The following PDE6D variants were observed in gnomAD, a reference collection of about 807,000 sequenced individuals.
The protein encoded by PDE6D is retinal rod rhodopsin-sensitive cGMP 3',5'-cyclic phosphodiesterase subunit delta.
A neutral mutation model predicts 21.9 loss-of-function variants in PDE6D; 10 were observed. The ratio of observed to expected loss-of-function variants is 0.46; its 90% CI spans 0.28 to 0.78. PDE6D has a LOEUF of 0.78. Among genes scored for constraint, PDE6D ranks in the 30% least tolerant of loss-of-function variants. The probability of loss-of-function intolerance (pLI) is 0.12; values close to 1 mark genes in which losing one functional copy is unlikely to be tolerated. For missense variants in PDE6D, 139 were observed against 184.8 expected, an observed-to-expected ratio of 0.75 and a Z score of 1.44; for synonymous variants, 59 against 63.5, an observed-to-expected ratio of 0.93 and a Z score of 0.34.
intron 2 of PDE6D, 140 bp downstream of exon 2, chr2:231,738,960 T>C: frequency 4.0e-6 from 2 of 503,768 alleles, no homozygotes; most frequent in Non-Finnish European, 7.2e-6. Flanking sequence ...TAACTGAAAC[T>C]GTCAACAACA....
intron 1 of PDE6D, among the ~76,000 whole-genome samples, chr2:231,742,575 G>C (rs899052011): frequency 6.6e-6 from 1 of 152,152 alleles, no homozygotes; most frequent in Non-Finnish European, 1.5e-5. Flanking sequence ...AAGCACAGAG[G>C]CTGTCTGCAA....
chr2:231,781,251 G>T lies in PDE6D; in HGVS notation c.-137C>A. 2 of 740,692 alleles carry T rather than the reference G, an allele frequency of 2.7e-6. No homozygotes were observed. Among genetic ancestry groups the T allele is most frequent in the Non-Finnish European group, 4.6e-6 (2 of 434,740 alleles). The allele number at this position is 740,692 out of a possible 1,614,324, so 45.9% of individuals were successfully genotyped here. A position where few individuals can be genotyped will look rare whatever the true frequency, so the allele number is the denominator to read the frequency against. The stretch of plus-strand genomic sequence containing the variant: ...AGCCGCAGCGGCCAGACCAGGACCG[G>T]CCTCTCTCTCCCCTCAGCTCCCGCT... On this transcript the variant is annotated 5_prime_UTR_variant, in exon 1 of 5. Transcript: ENST00000287600.
At chr2:231,740,423 C>A (rs1225832414) in intron 1 of PDE6D, among the ~76,000 whole-genome samples, 1 of 152,022 alleles carries the variant, frequency 6.6e-6, no homozygotes, top group African/African-American at 2.4e-5. Flanking sequence ...TGGCTCACAC[C>A]TGTAATTCCA....
At position 231,733,019 on chromosome 2, in the gene PDE6D, A is replaced by G; in HGVS notation, c.386T>C (p.Ile129Thr). 2.5e-6 allele frequency: 4 copies of G among 1,606,544 alleles called. No individual in the cohort carries two copies. The highest frequency in any genetic ancestry group is 2.6e-6 in the Non-Finnish European group (3 of 1,173,046). ...PASVLTGNVIIETKFFDDDLL... is the reference protein window; with the variant it reads ...PASVLTGNVITETKFFDDDLL... ...ATCGTCGTCAAAAAACTTTGTTTCTATGATAACGTTCCCACTGTAAGTAAG... is the reference window on the plus strand; with the variant it reads ...ATCGTCGTCAAAAAACTTTGTTTCTGTGATAACGTTCCCACTGTAAGTAAG... Residue 129 changes from isoleucine to threonine, a missense_variant, in exon 5 of 5, where the codon ATA (isoleucine) becomes ACA (threonine). Coordinates refer to ENST00000287600, the MANE Select transcript of PDE6D (RefSeq NM_002601.4).
At chr2:231,775,530 C>G (rs898755047) in intron 1 of PDE6D, among the ~76,000 whole-genome samples, 8 of 147,758 alleles carry the variant, frequency 5.4e-5, no homozygotes, top group African/African-American at 2.0e-4. Flanking sequence ...GCCATGTTGC[C>G]TAGGCTGGTC....
Position 231,739,171 on chromosome 2 carries a change from C to T in PDE6D, c.68G>A (p.Arg23Gln), listed in dbSNP as rs765707721. The T allele has an allele frequency of 8.7e-6, 14 of 1,611,110 alleles. No individual in the cohort carries two copies. The highest frequency in any genetic ancestry group is 1.7e-4 in the Middle Eastern group (1 of 6,054). The change falls in exon 2 of 5, where the codon CGG becomes CAG. Residue 23 changes from arginine to glutamine, a missense_variant. Transcript: ENST00000287600. This position sits in a 1 kb window ranked among gnomAD's most constrained non-coding sequence, Gnocchi z 4.2. ...RGFKLNWMNLRDAETGKILWQ... is the reference protein window; with the variant it reads ...RGFKLNWMNLQDAETGKILWQ... ...GAGTATCTTCCCTGTCTCAGCATCC[C>T]GAAGGTTCATCCAATTTCTGATCAA... is the stretch of plus-strand genomic sequence containing the variant.
chr2:231,757,654 T>C (rs1245169517), intron 1 of PDE6D, among the ~76,000 whole-genome samples: 1 of 152,250 alleles, frequency 6.6e-6, no homozygotes, highest in Non-Finnish European at 1.5e-5. Flanking sequence ...AAAATTCAGT[T>C]ATCCTGGGTC....
intron 1 of PDE6D, among the ~76,000 whole-genome samples, chr2:231,751,717 T>C (rs571445788): frequency 6.6e-6 from 1 of 152,336 alleles, no homozygotes; most frequent in East Asian, 1.9e-4. Flanking sequence ...TTATGGGTTT[T>C]TTGGGAGGAA....
intron 4 of PDE6D, among the ~76,000 whole-genome samples, chr2:231,733,312 T>G (rs2048667229): frequency 6.6e-6 from 1 of 152,196 alleles, no homozygotes; most frequent in Admixed American, 6.5e-5. Flanking sequence ...AGTAGAGTGC[T>G]CTGCACACAG....
rs2106262160 is a variant in PDE6D, at chr2:231,739,375, A to G, written c.51-187T>C. 14 of 719,024 alleles carry G rather than the reference A, an allele frequency of 1.9e-5. 1 individual carries two copies. The highest frequency in any genetic ancestry group is 1.9e-4 in the South Asian group (14 of 72,692). 44.5% of individuals were successfully genotyped at this position (719,024 alleles called of 1,614,324 possible). A position where few individuals can be genotyped will look rare whatever the true frequency, so the allele number is the denominator to read the frequency against. ...AAGACATCTAAAGGAAGAAGCAGAA[A>G]CCTAGAGAAGTTACTTTTATCTATG... On this transcript the variant is annotated intron_variant, in intron 1 of 4. Coordinates refer to ENST00000287600, the MANE Select transcript of PDE6D (RefSeq NM_002601.4). The surrounding 1 kb of genome is among the most constrained non-coding windows in gnomAD (Gnocchi z 4.2).
chr2:231,734,190 C>A (rs838421), intron 4 of PDE6D, among the ~76,000 whole-genome samples: 13 of 150,988 alleles, frequency 8.6e-5, no homozygotes, highest in African/African-American at 2.9e-4. Flanking sequence ...CTCCAGCCTC[C>A]GCGACAGAGC....
chr2:231,735,869 C>CA (rs201517845), intron 4 of PDE6D, among the ~76,000 whole-genome samples: 74 of 147,186 alleles, frequency 5.0e-4, no homozygotes, highest in African/African-American at 1.2e-3. Flanking sequence ...ACTAAAAATA[C>CA]AAAAAAAAAA....
At chr2:231,741,651 C>T (rs894376447) in intron 1 of PDE6D, among the ~76,000 whole-genome samples, 11 of 152,058 alleles carry the variant, frequency 7.2e-5, no homozygotes, top group African/African-American at 2.4e-4. Context: ...GAGATTTATA[C>T]AATTAGAGGG....
chr2:231,764,144 T>C (rs144210470), intron 1 of PDE6D, among the ~76,000 whole-genome samples: 1 of 152,112 alleles, frequency 6.6e-6, no homozygotes, highest in African/African-American at 2.4e-5. Context: ...TCTTGCCAGA[T>C]GTAGTGGCTC....
chr2:231,763,369 C>T (rs989139519), intron 1 of PDE6D, among the ~76,000 whole-genome samples: 3 of 152,114 alleles, frequency 2.0e-5, no homozygotes, highest in African/African-American at 7.2e-5. Flanking sequence ...TTGCCTACTA[C>T]TATAATCATT....
intron 1 of PDE6D, among the ~76,000 whole-genome samples, chr2:231,752,912 C>A (rs1475611449): frequency 6.8e-6 from 1 of 147,990 alleles, no homozygotes; most frequent in Admixed American, 6.8e-5. Flanking sequence ...CAGCTCACTG[C>A]AAGCTTCGCC....
chr2:231,738,975 G>A (rs566325560), intron 2 of PDE6D, 125 bp downstream of exon 2: 1 of 603,990 alleles, frequency 1.7e-6, no homozygotes, highest in Admixed American at 2.7e-5. Context: ...ACAACACATG[G>A]ATTAACATGC....
chr2:231,745,521 G>A (rs1268298947), intron 1 of PDE6D, among the ~76,000 whole-genome samples: 2 of 152,170 alleles, frequency 1.3e-5, no homozygotes, highest in East Asian at 1.9e-4. Context: ...TGATTTATAC[G>A]AAGGATGAGC....
intron 1 of PDE6D, among the ~76,000 whole-genome samples, chr2:231,742,652 A>G (rs2048759701): frequency 6.6e-6 from 1 of 152,212 alleles, no homozygotes; most frequent in Non-Finnish European, 1.5e-5. Context: ...GATATAGTTT[A>G]CATGTGTCTT....
Sources: gnomAD v4.1 joint callset for allele counts (sites outside exome capture counted in the v4.1 genomes callset) on GRCh38, gnomAD v4.1.1 for gene constraint, Gnocchi (gnomAD v3.1) non-coding constraint, MANE v1.5 for transcripts, NCBI Gene and HGNC (gene_info 2026-07-23, HGNC 2026-07-21) for gene names.